EYS: variants seen among roughly 807,000 people sequenced by gnomAD.
The protein encoded by EYS is EGF-like photoreceptor maintenance factor.
Under a neutral mutation model 282.1 loss-of-function variants are expected in EYS, and 250 were observed. The observed-to-expected ratio is 0.89, with a 90% CI of 0.80 to 0.98. The LOEUF is 0.98. Among genes scored for constraint, EYS ranks in the 50% least tolerant of loss-of-function variants. The pLI is 0.00. For synonymous variants in EYS, 1,355 were observed against 1,282.9 expected (o/e 1.06, Z -1.20); for missense variants, 4,016 against 3,709.0 (o/e 1.08, Z -2.15).
chr6:64,322,159 T>G (rs1242281023), intron 29 of EYS, among the ~76,000 whole-genome samples: 2 of 151,988 alleles, frequency 1.3e-5, no homozygotes, highest in African/African-American at 2.4e-5. Flanking sequence ...ACAAAGAAAG[T>G]CTAGCTGATA....
intron 2 of EYS, among the ~76,000 whole-genome samples, chr6:65,521,000 C>A (rs182293551): frequency 6.6e-6 from 1 of 152,204 alleles, no homozygotes; most frequent in Non-Finnish European, 1.5e-5. Flanking sequence ...ATGGACTAGG[C>A]TCACATGTTC....
chr6:64,848,465 G>A (rs1384755371), intron 19 of EYS, among the ~76,000 whole-genome samples: 1 of 152,004 alleles, frequency 6.6e-6, no homozygotes, highest in African/African-American at 2.4e-5. Flanking sequence ...AAAGCAAGAG[G>A]CACTTCTGGG....
At chr6:64,524,857 T>G (rs1425664800) in intron 26 of EYS, among the ~76,000 whole-genome samples, 1 of 151,670 alleles carries the variant, frequency 6.6e-6, no homozygotes, top group Non-Finnish European at 1.5e-5. Flanking sequence ...CACTTAAAAG[T>G]GGGCAAAACA....
chr6:65,329,770 A>C (rs1165525589), intron 11 of EYS: 1 of 981,292 alleles, frequency 1.0e-6, no homozygotes, highest in Non-Finnish European at 1.2e-6. Context: ...AAATAATTTA[A>C]GAAAATCCTG....
chr6:63,836,872 C>T (rs950698052), intron 36 of EYS, among the ~76,000 whole-genome samples: 3 of 151,986 alleles, frequency 2.0e-5, no homozygotes, highest in African/African-American at 4.8e-5. Context: ...AATCATACAC[C>T]TAATAACTCT....
intron 26 of EYS, among the ~76,000 whole-genome samples, chr6:64,466,861 T>C (rs1775937393): frequency 6.6e-6 from 1 of 152,140 alleles, no homozygotes; most frequent in Non-Finnish European, 1.5e-5. Context: ...ATGATAGATA[T>C]ATACAATTTG....
chr6:64,563,925 A>C (rs1582898761), intron 26 of EYS, among the ~76,000 whole-genome samples: 2 of 152,028 alleles, frequency 1.3e-5, no homozygotes, highest in South Asian at 4.1e-4. Flanking sequence ...TTTTCTATTT[A>C]TTTCTTATAA....
chr6:65,298,109 C>T (rs2150287785), intron 11 of EYS, among the ~76,000 whole-genome samples: 1 of 152,142 alleles, frequency 6.6e-6, no homozygotes, highest in African/African-American at 2.4e-5. Flanking sequence ...AATACGAAGG[C>T]ATATCTTTAT....
intron 26 of EYS, among the ~76,000 whole-genome samples, chr6:64,567,767 G>A (rs1034034819): frequency 6.6e-6 from 1 of 152,074 alleles, no homozygotes; most frequent in Non-Finnish European, 1.5e-5. Context: ...TACAAAAGCG[G>A]TATCTTAAGA....
rs536267374 is a variant in EYS at position 64,871,355 on chromosome 6, A to G, written c.2992+15342T>C. 1.7e-4 allele frequency among the ~76,000 whole-genome samples: 26 copies of G among 151,738 alleles called. No individual in the cohort carries two copies. In the East Asian group the frequency reaches 4.8e-3, roughly 28 times the overall value. On this transcript the variant is annotated intron_variant, in intron 19 of 42. Coordinates refer to ENST00000503581, the MANE Select transcript of EYS (RefSeq NM_001142800.2). ...AAAAAAAAAATCTTGTTTTGGTCAC[A>G]GAGTGGAAAGTACCTGTAGATCTAC...
chr6:65,690,503 A>C (rs1425367597), intron 1 of EYS, among the ~76,000 whole-genome samples: 1 of 149,964 alleles, frequency 6.7e-6, no homozygotes, highest in Non-Finnish European at 1.5e-5. Flanking sequence ...AACCTCCCTG[A>C]CTGCACGTCC....
chr6:64,695,201 C>A (rs151290068), intron 22 of EYS, among the ~76,000 whole-genome samples: 1 of 151,986 alleles, frequency 6.6e-6, no homozygotes, highest in Non-Finnish European at 1.5e-5. Flanking sequence ...TAAACCATAG[C>A]CTGGGACACT....
chr6:65,615,639 C>CA (rs35212625), intron 2 of EYS, among the ~76,000 whole-genome samples: 3 of 151,782 alleles, frequency 2.0e-5, no homozygotes. Context: ...GGTTACTTAG[C>CA]AAAAAAAGTT....
intron 30 of EYS, among the ~76,000 whole-genome samples, chr6:64,238,215 A>C (rs530033129): frequency 6.6e-5 from 10 of 152,174 alleles, no homozygotes; most frequent in Admixed American, 5.2e-4. Flanking sequence ...CTTAGATTAC[A>C]AGCTTTGTCA....
intron 12 of EYS, among the ~76,000 whole-genome samples, chr6:65,270,335 G>A (rs1434596614): frequency 1.3e-5 from 2 of 152,122 alleles, no homozygotes; most frequent in Non-Finnish European, 2.9e-5. Flanking sequence ...ACTGGGGTAG[G>A]TGTCCTGCCT....
chr6:64,882,260 A>G (rs1008301434), intron 19 of EYS, among the ~76,000 whole-genome samples: 1 of 151,818 alleles, frequency 6.6e-6, no homozygotes, highest in African/African-American at 2.4e-5. Flanking sequence ...CAAAACTGAT[A>G]TAACTGAATT....
chr6:64,458,880 C>T (rs1775649588), intron 26 of EYS, among the ~76,000 whole-genome samples: 1 of 152,100 alleles, frequency 6.6e-6, no homozygotes, highest in African/African-American at 2.4e-5. Context: ...CATCAAGGCA[C>T]ATATTTTTTA....
At chr6:65,206,605 AC>A (rs1333282837) in intron 12 of EYS, among the ~76,000 whole-genome samples, 1 of 151,788 alleles carries the variant, frequency 6.6e-6, no homozygotes, top group Non-Finnish European at 1.5e-5. Flanking sequence ...ATTATCTCTG[AC>A]GAACATGGAT....
At chr6:64,101,329 C>T (rs1772819150) in intron 31 of EYS, among the ~76,000 whole-genome samples, 1 of 152,046 alleles carries the variant, frequency 6.6e-6, no homozygotes, top group African/African-American at 2.4e-5. Context: ...CACCATCTCT[C>T]TCAATTAGAC....
Sources: allele counts gnomAD v4.1 joint callset (sites outside exome capture counted in the v4.1 genomes callset), GRCh38; gene constraint gnomAD v4.1.1; transcripts MANE v1.5; gene names NCBI Gene and HGNC (gene_info 2026-07-23, HGNC 2026-07-21).